Variants in TBC1D9 observed in about 807,000 individuals in gnomAD.
TBC1D9 encodes the protein TBC1 domain family member 9.
Under a neutral mutation model 132.0 loss-of-function variants are expected in TBC1D9, and 63 were observed. The observed-to-expected ratio is 0.48, with a 90% CI of 0.39 to 0.59. The LOEUF is 0.59. Among genes scored for constraint, TBC1D9 ranks in the 20% least tolerant of loss-of-function variants. The probability of loss-of-function intolerance (pLI) is 0.00; values close to 1 mark genes in which losing one functional copy is unlikely to be tolerated. For missense variants in TBC1D9, 1,261 were observed against 1,592.7 expected (o/e 0.79, Z 3.54); for synonymous variants, 610 against 609.9 (o/e 1.00, Z 0.00).
intron 1 of TBC1D9, among the ~76,000 whole-genome samples, chr4:140,717,283 G>A (rs570645352): frequency 9.2e-5 from 14 of 152,286 alleles, no homozygotes; most frequent in Admixed American, 6.5e-5. Context: ...AGTTGGGAGA[G>A]GGGTCAGGAA....
intron 13 of TBC1D9, among the ~76,000 whole-genome samples, chr4:140,652,773 T>C (rs1737206970): frequency 6.6e-6 from 1 of 152,240 alleles, no homozygotes; most frequent in Non-Finnish European, 1.5e-5. Flanking sequence ...ATAGCTATTA[T>C]AGTAATCATT....
chr4:140,633,045 C>T (rs766779803), intron 16 of TBC1D9, among the ~76,000 whole-genome samples: 1 of 152,132 alleles, frequency 6.6e-6, no homozygotes, highest in African/African-American at 2.4e-5. Flanking sequence ...TATATCCCTT[C>T]CCTTTTTAAA....
chr4:140,655,363 T>C (rs963522144), intron 13 of TBC1D9, among the ~76,000 whole-genome samples: 3 of 149,020 alleles, frequency 2.0e-5, no homozygotes, highest in Non-Finnish European at 2.9e-5. Context: ...TCTATATCCA[T>C]AGCAATTTTT....
intron 2 of TBC1D9, among the ~76,000 whole-genome samples, chr4:140,692,808 C>T (rs146182297): frequency 0.012 from 1,797 of 152,088 alleles, 27 homozygotes; most frequent in Non-Finnish European, 0.015. Flanking sequence ...TCACTTGAGC[C>T]TAGGAGTTCG....
At chr4:140,753,293 C>T (rs1471578075) in intron 1 of TBC1D9, among the ~76,000 whole-genome samples, 1 of 151,832 alleles carries the variant, frequency 6.6e-6, no homozygotes, top group African/African-American at 2.4e-5. Flanking sequence ...AAGGTCTCAC[C>T]ATGTTGCCCA....
At chr4:140,684,331 T>A (rs1035356820) in intron 3 of TBC1D9, among the ~76,000 whole-genome samples, 8 of 152,124 alleles carry the variant, frequency 5.3e-5, no homozygotes, top group African/African-American at 1.9e-4. Context: ...GCATCTGTAG[T>A]TAACTATTAC....
intron 9 of TBC1D9, among the ~76,000 whole-genome samples, chr4:140,666,073 A>T (rs1278180271): frequency 6.6e-6 from 1 of 152,188 alleles, no homozygotes. Context: ...CAACTGAAAA[A>T]CGAATGAACA....
At position 140,701,621 on chromosome 4, in the gene TBC1D9, G is replaced by C. The variant is rs1738071178; in HGVS notation, c.131-7C>G. Reference sequence around the variant, plus strand: ...AGGGTACCCACCAGCAGGCCTGAGGGTGGAAAGTGGGGAGAAACAGGTAAG... The same window carrying C: ...AGGGTACCCACCAGCAGGCCTGAGGCTGGAAAGTGGGGAGAAACAGGTAAG... On this transcript the variant is annotated splice_region_variant and splice_polypyrimidine_tract_variant and intron_variant, in intron 1 of 20. Transcript: ENST00000442267. 1 of 1,611,686 alleles carries C rather than the reference G, an allele frequency of 6.2e-7. No individual in the cohort carries two copies. Among genetic ancestry groups the C allele is most frequent in the African/African-American group, 1.3e-5 (1 of 74,886 alleles).
At chr4:140,742,165 T>A (rs1738768219) in intron 1 of TBC1D9, among the ~76,000 whole-genome samples, 1 of 152,142 alleles carries the variant, frequency 6.6e-6, no homozygotes, top group Admixed American at 6.6e-5. Context: ...GATTTTTTCA[T>A]CAACAAAGCT....
chr4:140,748,253 G>T (rs1199628753), intron 1 of TBC1D9, among the ~76,000 whole-genome samples: 1 of 152,150 alleles, frequency 6.6e-6, no homozygotes, highest in Non-Finnish European at 1.5e-5. Flanking sequence ...AAGTGGTTGG[G>T]CTGAACAGAT....
At chr4:140,652,244 T>TAAAAA (rs879361102) in intron 13 of TBC1D9, among the ~76,000 whole-genome samples, 1 of 94,916 alleles carries the variant, frequency 1.1e-5, no homozygotes, top group Admixed American at 1.1e-4. Flanking sequence ...CTGTCTCAAA[T>TAAAAA]AAAAAAAAAA....
In TBC1D9 at chr4:140,637,759, C is replaced by T. The variant is rs1482777053; in HGVS notation, c.2505+1327G>A. ...TGCACCCTCAAGTGCCGGATGCAGG[C>T]TGGCAGGGGTGCCACTGTCCACTCT... On this transcript the variant is annotated intron_variant, in intron 15 of 20. Transcript: ENST00000442267. 5.3e-5 allele frequency among the ~76,000 whole-genome samples: 8 copies of T among 152,218 alleles called. No individual in the cohort carries two copies. The East Asian group carries it at 1.2e-3, about 22-fold the overall frequency.
In TBC1D9 at chr4:140,649,390, A is replaced by AC. The variant is rs567394224; in HGVS notation, c.2337+7706_2337+7707insG. On this transcript the variant is annotated intron_variant, in intron 13 of 20. Coordinates refer to ENST00000442267, the MANE Select transcript of TBC1D9 (RefSeq NM_015130.3). The stretch of plus-strand genomic sequence containing the variant: ...TGGGGTTATTTTCCCAGTATGCAGA[A>AC]TGGGGTTCACTACTGTTAGCAGAAG... Among the ~76,000 whole-genome samples, 3 of 152,250 alleles carry AC rather than the reference A, an allele frequency of 2.0e-5. No individual in the cohort carries two copies. In the South Asian group the frequency reaches 6.2e-4, roughly 31 times the overall value.
intron 3 of TBC1D9, among the ~76,000 whole-genome samples, chr4:140,683,864 G>A (rs1040577992): frequency 2.0e-5 from 3 of 152,200 alleles, no homozygotes; most frequent in South Asian, 4.1e-4. Flanking sequence ...TATCCCAAAG[G>A]GGGAAAAACA....
intron 9 of TBC1D9, among the ~76,000 whole-genome samples, chr4:140,664,187 T>C (rs1578830915): frequency 6.6e-6 from 1 of 152,084 alleles, no homozygotes; most frequent in Admixed American, 6.5e-5. Context: ...TAAATATATA[T>C]ACTTTTTATT....
Position 140,643,148 on chromosome 4 carries a change from C to T in TBC1D9, c.2338-3720G>A, listed in dbSNP as rs1737035915. ...CCACCACGGGCCCATCCAGCACCTC[C>T]CTCAGCATGTGGCTGCCGGCTGCCA... On this transcript the variant is annotated intron_variant, in intron 13 of 20. Transcript: ENST00000442267. 4.2e-6 allele frequency: 6 copies of T among 1,440,816 alleles called. No individual in the cohort carries two copies. In the Admixed American group the frequency reaches 9.9e-5, roughly 24 times the overall value. The allele number at this position is 1,440,816 out of a possible 1,614,324, so 89.3% of individuals were successfully genotyped here. A position where few individuals can be genotyped will look rare whatever the true frequency, so the allele number is the denominator to read the frequency against.
In TBC1D9 at chr4:140,687,349, T is replaced by TGTC. The variant is rs1560885845; in HGVS notation, c.242-888_242-887insGAC. Among the ~76,000 whole-genome samples the TGTC allele has an allele frequency of 2.6e-4, 6 of 23,162 alleles. No homozygotes were observed. The African/African-American group carries it at 2.6e-3, about 10-fold the overall frequency. 15.2% of individuals were successfully genotyped at this position (23,162 alleles called of 152,430 possible). A position where few individuals can be genotyped will look rare whatever the true frequency, so the allele number is the denominator to read the frequency against. On this transcript the variant is annotated intron_variant, in intron 2 of 20. Coordinates refer to ENST00000442267, the MANE Select transcript of TBC1D9 (RefSeq NM_015130.3). ...TGTGTGTGTGTGTGTGTGTCATATATATATATATATATATATATATATATA... is the reference window on the plus strand; with the variant it reads ...TGTGTGTGTGTGTGTGTGTCATATATGTCATATATATATATATATATATATATA...
chr4:140,642,287 G>A (rs1419515049), intron 13 of TBC1D9: 8 of 713,248 alleles, frequency 1.1e-5, no homozygotes, highest in Admixed American at 2.3e-5. Flanking sequence ...AGGCAAACGC[G>A]GAATGGGCCG....
chr4:140,753,786 A>G (rs770925760), intron 1 of TBC1D9, among the ~76,000 whole-genome samples: 1 of 152,230 alleles, frequency 6.6e-6, no homozygotes, highest in South Asian at 2.1e-4. Flanking sequence ...CACTTCTAGA[A>G]GTTGCCAACA....
Sources: allele counts gnomAD v4.1 joint callset (sites outside exome capture counted in the v4.1 genomes callset), GRCh38; gene constraint gnomAD v4.1.1; transcripts MANE v1.5; gene names NCBI Gene and HGNC (gene_info 2026-07-23, HGNC 2026-07-21).